GRM1: variants seen among roughly 807,000 people sequenced by gnomAD.
GRM1 encodes glutamate metabotropic receptor 1.
GRM1 carries 33 observed loss-of-function variants against 90.9 expected under a neutral mutation model. The observed-to-expected ratio is 0.36, with a 90% CI of 0.28 to 0.49. The LOEUF is 0.49. Ranked by LOEUF, GRM1 falls within the 20% of genes least tolerant of loss-of-function variation. The pLI, the probability that GRM1 is intolerant of heterozygous loss-of-function variation, is 0.99. For synonymous variants in GRM1, 700 were observed against 613.2 expected (o/e 1.14, Z -2.09); for missense variants, 1,190 against 1,534.3 (o/e 0.78, Z 3.75).
intron 5 of GRM1, among the ~76,000 whole-genome samples, chr6:146,369,772 G>T (rs953671390): frequency 9.9e-5 from 15 of 151,940 alleles, no homozygotes; most frequent in African/African-American, 3.4e-4. Context: ...TAGATGTACT[G>T]CTCGTAAGAA....
At chr6:146,229,059 C>T (rs1780356219) in intron 2 of GRM1, among the ~76,000 whole-genome samples, 1 of 151,906 alleles carries the variant, frequency 6.6e-6, no homozygotes, top group African/African-American at 2.4e-5. Flanking sequence ...CCATGTTAGC[C>T]TTTAAAGGAG....
intron 1 of GRM1, among the ~76,000 whole-genome samples, chr6:146,096,518 G>A (rs1439136607): frequency 6.6e-6 from 1 of 152,138 alleles, no homozygotes; most frequent in African/African-American, 2.4e-5. Context: ...CAGTAATACC[G>A]TATGCTCCAA....
rs531130984 is a variant in GRM1, at chr6:146,085,327, T to G, written c.700+55110T>G. On this transcript the variant is annotated intron_variant, in intron 1 of 7. Transcript: ENST00000282753. Reference sequence around the variant, plus strand: ...AATGGCTTCTGCTTTGCCACATAAATAAATGACACAAAACAGTAAAAGAAA... The same window carrying G: ...AATGGCTTCTGCTTTGCCACATAAAGAAATGACACAAAACAGTAAAAGAAA... Among the ~76,000 whole-genome samples, 7 of 152,174 alleles carry G rather than the reference T, an allele frequency of 4.6e-5. No homozygotes were observed. In the East Asian group the frequency reaches 1.2e-3, roughly 25 times the overall value.
intron 2 of GRM1, among the ~76,000 whole-genome samples, chr6:146,233,791 A>G (rs1780530233): frequency 6.6e-6 from 1 of 152,122 alleles, no homozygotes; most frequent in Admixed American, 6.6e-5. Context: ...AGTTAGACGG[A>G]ATAAAAATAT....
intron 2 of GRM1, among the ~76,000 whole-genome samples, chr6:146,257,274 T>G (rs1253180394): frequency 6.6e-6 from 1 of 152,182 alleles, no homozygotes; most frequent in Non-Finnish European, 1.5e-5. Context: ...GATCATAACC[T>G]GTTTAAGGAC....
chr6:146,248,019 T>C (rs1192394825), intron 2 of GRM1, among the ~76,000 whole-genome samples: 1 of 151,862 alleles, frequency 6.6e-6, no homozygotes, highest in African/African-American at 2.4e-5. Flanking sequence ...GAATCTTTTG[T>C]TGGATGCTGG....
intron 5 of GRM1, among the ~76,000 whole-genome samples, chr6:146,372,309 A>T (rs1415428106): frequency 1.3e-5 from 2 of 151,986 alleles, no homozygotes; most frequent in Non-Finnish European, 2.9e-5. Flanking sequence ...TGATTGGATT[A>T]TCAGATTTTT....
At chr6:146,349,684 T>C (rs1461205063) in intron 3 of GRM1, among the ~76,000 whole-genome samples, 1 of 152,174 alleles carries the variant, frequency 6.6e-6, no homozygotes. Flanking sequence ...AGACATCAGG[T>C]ATTCTTGTAT....
chr6:146,287,302 T>A (rs1286073035), intron 2 of GRM1, among the ~76,000 whole-genome samples: 1 of 152,168 alleles, frequency 6.6e-6, no homozygotes, highest in Non-Finnish European at 1.5e-5. Context: ...ATATAAGAGG[T>A]CAGGGTCCTA....
chr6:146,043,935 A>G (rs967817455), intron 1 of GRM1, among the ~76,000 whole-genome samples: 5 of 151,620 alleles, frequency 3.3e-5, no homozygotes, highest in South Asian at 2.1e-4. Flanking sequence ...TCTTACACTC[A>G]TAGTTTAATA....
intron 1 of GRM1, among the ~76,000 whole-genome samples, chr6:146,058,136 A>G (rs1037859926): frequency 1.3e-5 from 2 of 152,106 alleles, no homozygotes; most frequent in Non-Finnish European, 2.9e-5. Flanking sequence ...ATACAGAATT[A>G]TGTAGATAAC....
At position 146,203,061 on chromosome 6, in the gene GRM1, C is replaced by G. The variant is rs370455566; in HGVS notation, c.950+43464C>G. On this transcript the variant is annotated intron_variant, in intron 2 of 7. Coordinates refer to ENST00000282753, the MANE Select transcript of GRM1 (RefSeq NM_001278064.2). ...TACAAAAAATTAGCCGGGCGTGGTGCCGGGCGCCTGTAGTCCCAGCTACTG... is the reference window on the plus strand; with the variant it reads ...TACAAAAAATTAGCCGGGCGTGGTGGCGGGCGCCTGTAGTCCCAGCTACTG... 1.6e-3 allele frequency among the ~76,000 whole-genome samples: 238 copies of G among 151,860 alleles called. 1 individual carries two copies. In the East Asian group the frequency reaches 0.024, roughly 15 times the overall value.
Position 146,239,929 on chromosome 6 carries a change from CGAGG to C in GRM1, c.951-64681_951-64678del, listed in dbSNP as rs557717227. Among the ~76,000 whole-genome samples the C allele has an allele frequency of 5.3e-5, 8 of 152,176 alleles. No individual in the cohort carries two copies. In the East Asian group the frequency reaches 1.5e-3, roughly 29 times the overall value. On this transcript the variant is annotated intron_variant, in intron 2 of 7. Coordinates refer to ENST00000282753, the MANE Select transcript of GRM1 (RefSeq NM_001278064.2). The stretch of plus-strand genomic sequence containing the variant: ...AATGGCCGCAGAGGAGTGAGAACCA[CGAGG>C]TCATGAGAAGAGCACAAGCTCTTGG...
At chr6:146,096,297 A>T (rs1440641076) in intron 1 of GRM1, among the ~76,000 whole-genome samples, 2 of 152,090 alleles carry the variant, frequency 1.3e-5, no homozygotes, top group Non-Finnish European at 2.9e-5. Flanking sequence ...ATTTCCCTTC[A>T]TGGATTCAAA....
rs1231920187 is a variant in GRM1 at position 146,436,317 on chromosome 6, A to C, written c.*1521A>C. On this transcript the variant is annotated 3_prime_UTR_variant, in exon 8 of 8. Transcript: ENST00000282753. The stretch of plus-strand genomic sequence containing the variant: ...TGATGTGGAGATATGTTATTAATGA[A>C]GTGGTTTGAAAATTTGTTATATTAA... 6.6e-6 allele frequency: 1 copy of C among 152,184 alleles called. No homozygotes were observed. The highest frequency in any genetic ancestry group is 1.5e-5 in the Non-Finnish European group (1 of 68,044). 9.4% of individuals were successfully genotyped at this position (152,184 alleles called of 1,614,324 possible). A position where few individuals can be genotyped will look rare whatever the true frequency, so the allele number is the denominator to read the frequency against.
At chr6:146,266,033 C>CA in intron 2 of GRM1, among the ~76,000 whole-genome samples, 1 of 152,084 alleles carries the variant, frequency 6.6e-6, no homozygotes, top group South Asian at 2.1e-4. Flanking sequence ...TACTAAAATA[C>CA]AAAAAATTAG....
chr6:146,277,528 T>C (rs1313747959), intron 2 of GRM1, among the ~76,000 whole-genome samples: 1 of 152,194 alleles, frequency 6.6e-6, no homozygotes, highest in Non-Finnish European at 1.5e-5. Context: ...CATCAAGATT[T>C]GAGCGAGTTC....
chr6:146,053,407 A>G (rs551293675), intron 1 of GRM1, among the ~76,000 whole-genome samples: 2 of 152,194 alleles, frequency 1.3e-5, no homozygotes, highest in Non-Finnish European at 2.9e-5. Flanking sequence ...AAATTACTTT[A>G]TGTAAGGCAT....
intron 1 of GRM1, among the ~76,000 whole-genome samples, chr6:146,091,762 T>A (rs527984569): frequency 1.3e-5 from 2 of 152,210 alleles, no homozygotes; most frequent in South Asian, 4.1e-4. Context: ...AAAGTCTATC[T>A]GAAGAATTGT....
Sources: gnomAD v4.1 joint callset for allele counts (sites outside exome capture counted in the v4.1 genomes callset) on GRCh38, gnomAD v4.1.1 for gene constraint, MANE v1.5 for transcripts, NCBI Gene and HGNC (gene_info 2026-07-23, HGNC 2026-07-21) for gene names.